FOXP1: variants seen among roughly 807,000 people sequenced by gnomAD.
The protein encoded by FOXP1 is forkhead box P1.
A neutral mutation model predicts 98.2 loss-of-function variants in FOXP1; 15 were observed. The observed-to-expected ratio is 0.15, with a 90% CI of 0.10 to 0.24. The LOEUF is 0.24. FOXP1 is among the 10% of genes least tolerant of loss of function. FOXP1 has a pLI of 1.00. For missense variants in FOXP1, 633 were observed against 848.5 expected (o/e 0.75, Z 3.15); for synonymous variants, 371 against 314.5 (o/e 1.18, Z -1.90).
intron 3 of FOXP1, among the ~76,000 whole-genome samples, chr3:71,405,346 G>A (rs905766995): frequency 4.6e-5 from 7 of 152,208 alleles, no homozygotes; most frequent in Non-Finnish European, 8.8e-5. Flanking sequence ...TATGTTCTGT[G>A]CATCCAAATC....
chr3:71,227,966 A>G (rs2106714091), intron 5 of FOXP1, among the ~76,000 whole-genome samples: 1 of 137,194 alleles, frequency 7.3e-6, no homozygotes, highest in East Asian at 2.2e-4. Flanking sequence ...CCGATCTTCC[A>G]GTAACCAATT....
intron 3 of FOXP1, among the ~76,000 whole-genome samples, chr3:71,419,704 G>C (rs1240987227): frequency 6.6e-6 from 1 of 150,650 alleles, no homozygotes; most frequent in Non-Finnish European, 1.5e-5. Context: ...AGTACCCCGG[G>C]TGGTAAGTGG....
At chr3:71,479,655 G>A (rs902791836) in intron 3 of FOXP1, among the ~76,000 whole-genome samples, 9 of 143,392 alleles carry the variant, frequency 6.3e-5, no homozygotes, top group East Asian at 4.0e-4. Flanking sequence ...CTCCAGCCTC[G>A]GAAACAAGAG....
At chr3:71,443,279 A>G (rs548668059) in intron 3 of FOXP1, among the ~76,000 whole-genome samples, 1 of 152,382 alleles carries the variant, frequency 6.6e-6, no homozygotes, top group Admixed American at 6.5e-5. Flanking sequence ...ATTTGGTGTC[A>G]TGATAAAATC....
At chr3:71,008,189 A>AT (rs1576100193) in intron 12 of FOXP1, among the ~76,000 whole-genome samples, 2 of 152,154 alleles carry the variant, frequency 1.3e-5, no homozygotes, top group East Asian at 3.8e-4. Context: ...CCTGCATTTG[A>AT]TTTTACCTTC....
chr3:71,482,947 C>T (rs546307720), intron 3 of FOXP1, among the ~76,000 whole-genome samples: 3 of 151,984 alleles, frequency 2.0e-5, no homozygotes, highest in East Asian at 3.9e-4. Context: ...CTATCCCCCC[C>T]ACCTCAGCCT....
At chr3:71,403,609 G>A (rs147166075) in intron 3 of FOXP1, among the ~76,000 whole-genome samples, 1 of 152,362 alleles carries the variant, frequency 6.6e-6, no homozygotes, top group Non-Finnish European at 1.5e-5. Flanking sequence ...AATACTTTGG[G>A]AGGCCAAGGT....
At chr3:71,451,108 T>C (rs529493783) in intron 3 of FOXP1, among the ~76,000 whole-genome samples, 3 of 152,306 alleles carry the variant, frequency 2.0e-5, no homozygotes, top group Admixed American at 2.0e-4. Flanking sequence ...CAAGCAGTGC[T>C]TATATTGTTT....
At chr3:71,280,751 G>A (rs1273967081) in intron 5 of FOXP1, among the ~76,000 whole-genome samples, 1 of 152,056 alleles carries the variant, frequency 6.6e-6, no homozygotes, top group Non-Finnish European at 1.5e-5. Flanking sequence ...AGTGAGCAGA[G>A]ACAAATGTTT....
chr3:71,177,382 C>T (rs1219700320), intron 6 of FOXP1, among the ~76,000 whole-genome samples: 2 of 152,160 alleles, frequency 1.3e-5, no homozygotes, highest in Non-Finnish European at 2.9e-5. Flanking sequence ...GCTTTCTGAA[C>T]TCAGCAAGAA....
At chr3:71,178,143 T>TC in intron 6 of FOXP1, among the ~76,000 whole-genome samples, 1 of 140,724 alleles carries the variant, frequency 7.1e-6, no homozygotes, top group East Asian at 2.1e-4. Flanking sequence ...TCAGTCTTTT[T>TC]TTTTTTTTTT....
intron 3 of FOXP1, among the ~76,000 whole-genome samples, chr3:71,476,803 C>T (rs964180926): frequency 5.3e-5 from 8 of 152,102 alleles, no homozygotes; most frequent in Admixed American, 2.6e-4. Context: ...TGCGCCGGGC[C>T]GCATTGATGG....
chr3:71,269,757 A>T (rs1232803409), intron 5 of FOXP1, among the ~76,000 whole-genome samples: 1 of 152,212 alleles, frequency 6.6e-6, no homozygotes, highest in African/African-American at 2.4e-5. Flanking sequence ...ATATTTTGCT[A>T]TTAGGGCCTT....
rs536469090 is a variant in FOXP1, at chr3:71,008,947, A to G, written c.974+6602T>C. ...CCCCTCTCTCTGTTAACAGTGGCAC[A>G]GTATTGACAGATGGGATTTTTATCC... On this transcript the variant is annotated intron_variant, in intron 12 of 20. Transcript: ENST00000649528. Among the ~76,000 whole-genome samples, 6 of 152,098 alleles carry G rather than the reference A, an allele frequency of 3.9e-5. No homozygotes were observed. In the South Asian group the frequency reaches 1.2e-3, roughly 32 times the overall value.
chr3:71,513,775 C>T (rs1228008868), intron 2 of FOXP1, among the ~76,000 whole-genome samples: 1 of 152,128 alleles, frequency 6.6e-6, no homozygotes, highest in East Asian at 1.9e-4. Context: ...TAATTCTCTG[C>T]AAGCCCAGCT....
At chr3:71,299,747 AACT>A (rs2073687003) in intron 5 of FOXP1, 70 bp downstream of exon 5, 1 of 152,636 alleles carries the variant, frequency 6.6e-6, no homozygotes, top group Non-Finnish European at 1.5e-5. Context: ...ACCAAAAAGC[AACT>A]GAATTAAAAT....
chr3:71,448,102 G>A (rs1440170900), intron 3 of FOXP1, among the ~76,000 whole-genome samples: 2 of 152,120 alleles, frequency 1.3e-5, no homozygotes, highest in Non-Finnish European at 2.9e-5. Context: ...TGTGAATGTT[G>A]CCAGCCTTGG....
intron 5 of FOXP1, among the ~76,000 whole-genome samples, chr3:71,299,259 G>C (rs2073632198): frequency 6.6e-6 from 1 of 152,188 alleles, no homozygotes; most frequent in Non-Finnish European, 1.5e-5. Context: ...GTACTCATTT[G>C]ATTTTCAAGC....
At chr3:71,540,249 A>G (rs930805259) in intron 2 of FOXP1, among the ~76,000 whole-genome samples, 1 of 152,266 alleles carries the variant, frequency 6.6e-6, no homozygotes, top group Non-Finnish European at 1.5e-5. Flanking sequence ...AAGGAAGAGA[A>G]TAAGAGTAAG....
Sources: gnomAD v4.1 joint callset for allele counts (sites outside exome capture counted in the v4.1 genomes callset) on GRCh38, gnomAD v4.1.1 for gene constraint, MANE v1.5 for transcripts, NCBI Gene and HGNC (gene_info 2026-07-23, HGNC 2026-07-21) for gene names.